The following ADAMTS17 variants were observed in gnomAD, a reference collection of about 807,000 sequenced individuals.
ADAMTS17 encodes ADAM metallopeptidase with thrombospondin type 1 motif 17, also known as A disintegrin and metalloproteinase with thrombospondin motifs 17.
ADAMTS17 carries 113 observed loss-of-function variants against 141.5 expected under a neutral mutation model. The ratio of observed to expected loss-of-function variants is 0.80; its 90% confidence interval spans 0.69 to 0.93. The LOEUF (loss-of-function observed/expected upper bound fraction) is 0.93, where lower values mean the gene tolerates loss of function less well. Ranked by LOEUF, ADAMTS17 falls within the 40% of genes least tolerant of loss-of-function variation. The pLI, the probability that ADAMTS17 is intolerant of heterozygous loss-of-function variation, is 0.00. For synonymous variants in ADAMTS17, 768 were observed against 630.6 expected (o/e 1.22, Z -3.27); for missense variants, 1,659 against 1,517.9 (o/e 1.09, Z -1.54).
At chr15:100,152,852 C>T in intron 9 of ADAMTS17, 90 bp from the exon 10 acceptor site, 1 of 1,510,642 alleles carries the variant, frequency 6.6e-7, no homozygotes, top group Non-Finnish European at 8.9e-7. Context: ...TTTTCAGTCA[C>T]TGAGAAGAGG....
chr15:100,137,589 A>G (rs949252230), intron 10 of ADAMTS17, among the ~76,000 whole-genome samples: 1 of 152,230 alleles, frequency 6.6e-6, no homozygotes, highest in African/African-American at 2.4e-5. Flanking sequence ...TGTGGCAGAC[A>G]GGGCTGCTCT....
chr15:100,301,897 C>T (rs1045300897), intron 3 of ADAMTS17, among the ~76,000 whole-genome samples: 2 of 152,160 alleles, frequency 1.3e-5, no homozygotes, highest in Admixed American at 6.5e-5. Context: ...TTTACATCTT[C>T]CCTTAATTTT....
chr15:100,276,602 T>C (rs1280305259), intron 4 of ADAMTS17, among the ~76,000 whole-genome samples: 2 of 151,904 alleles, frequency 1.3e-5, no homozygotes, highest in African/African-American at 4.8e-5. Context: ...GGAATGAAGG[T>C]GGCAACCAAC....
intron 7 of ADAMTS17, among the ~76,000 whole-genome samples, chr15:100,233,652 G>A (rs1241748065): frequency 6.6e-6 from 1 of 152,172 alleles, no homozygotes; most frequent in Non-Finnish European, 1.5e-5. Flanking sequence ...AGAGAAACAC[G>A]CAATGTCCAG....
chr15:100,319,012 G>A (rs775737231), intron 3 of ADAMTS17, among the ~76,000 whole-genome samples: 24 of 152,378 alleles, frequency 1.6e-4, no homozygotes, highest in South Asian at 6.2e-4. Context: ...CTGTGCTTCC[G>A]ATGGCCTAAG....
chr15:100,281,881 C>T (rs573579847), intron 3 of ADAMTS17, among the ~76,000 whole-genome samples: 42 of 152,160 alleles, frequency 2.8e-4, no homozygotes, highest in African/African-American at 9.9e-4. Flanking sequence ...GAATCAGGAG[C>T]CATAAATGTT....
intron 6 of ADAMTS17, among the ~76,000 whole-genome samples, chr15:100,258,331 T>A (rs2043396631): frequency 6.6e-6 from 1 of 152,200 alleles, no homozygotes; most frequent in Non-Finnish European, 1.5e-5. Flanking sequence ...TACATTCCCA[T>A]CGATGGTGCA....
At chr15:100,198,266 TA>T (rs2041195693) in intron 8 of ADAMTS17, among the ~76,000 whole-genome samples, 2 of 152,130 alleles carry the variant, frequency 1.3e-5, no homozygotes. Flanking sequence ...TAATAGAATA[TA>T]AACTCATTAA....
chr15:100,275,843 T>A (rs574639831), intron 4 of ADAMTS17, among the ~76,000 whole-genome samples: 2 of 150,646 alleles, frequency 1.3e-5, no homozygotes, highest in East Asian at 4.1e-4. Flanking sequence ...GAGCAAACGC[T>A]TGATGCCAAA....
intron 18 of ADAMTS17, among the ~76,000 whole-genome samples, chr15:100,024,086 G>T (rs1048187979): frequency 1.3e-4 from 19 of 145,934 alleles, no homozygotes; most frequent in African/African-American, 5.3e-4. Context: ...TTTTCTAAAG[G>T]TTGATTTTTT....
At chr15:100,124,347 G>T (rs973155608) in intron 12 of ADAMTS17, among the ~76,000 whole-genome samples, 3 of 152,234 alleles carry the variant, frequency 2.0e-5, no homozygotes, top group African/African-American at 7.2e-5. Context: ...CACAAGAAAA[G>T]GATATCCAAA....
chr15:100,179,230 T>G (rs188413664), intron 8 of ADAMTS17, among the ~76,000 whole-genome samples: 1 of 152,222 alleles, frequency 6.6e-6, no homozygotes, highest in Admixed American at 6.5e-5. Context: ...CAGCCTCCTA[T>G]TACCCGTCTT....
intron 3 of ADAMTS17, among the ~76,000 whole-genome samples, chr15:100,316,417 A>C (rs569652078): frequency 1.7e-4 from 26 of 152,342 alleles, no homozygotes; most frequent in Middle Eastern, 3.4e-3. Context: ...TCCGTGGGTC[A>C]CGTCTGGGGA....
intron 10 of ADAMTS17, among the ~76,000 whole-genome samples, chr15:100,142,662 A>AACAGAGGC (rs2038714144): frequency 6.6e-6 from 1 of 152,194 alleles, no homozygotes; most frequent in Non-Finnish European, 1.5e-5. Flanking sequence ...CCTGTTCAAG[A>AACAGAGGC]ACAGAGGCAG....
At chr15:100,314,264 A>C (rs527452005) in intron 3 of ADAMTS17, among the ~76,000 whole-genome samples, 1 of 152,384 alleles carries the variant, frequency 6.6e-6, no homozygotes, top group African/African-American at 2.4e-5. Context: ...CTGTACCAAG[A>C]AAAGAAAGCT....
At chr15:100,109,584 C>G (rs952117662) in intron 13 of ADAMTS17, among the ~76,000 whole-genome samples, 1 of 152,132 alleles carries the variant, frequency 6.6e-6, no homozygotes, top group African/African-American at 2.4e-5. Flanking sequence ...CAGTGCTCCC[C>G]TAGCTGCTGG....
At chr15:100,137,825 T>TCCACCCTTTCACTGCCAACACCAACAC (rs1567236486) in intron 10 of ADAMTS17, among the ~76,000 whole-genome samples, 1 of 151,114 alleles carries the variant, frequency 6.6e-6, no homozygotes, top group Non-Finnish European at 1.5e-5. Context: ...ACTACCAACA[T>TCCACCCTTTCACTGCCAACACCAACAC]CCACCCTTTC....
intron 18 of ADAMTS17, among the ~76,000 whole-genome samples, chr15:100,036,888 T>C (rs920066229): frequency 5.3e-5 from 8 of 152,228 alleles, no homozygotes; most frequent in Non-Finnish European, 1.2e-4. Flanking sequence ...AGGGTTTCTC[T>C]GTGCCAGAAC....
chr15:100,206,193 T>C (rs766912616), intron 7 of ADAMTS17, among the ~76,000 whole-genome samples: 54 of 152,292 alleles, frequency 3.5e-4, no homozygotes, highest in Admixed American at 2.1e-3. Context: ...CTGCATGTAC[T>C]CCCTGGCTAC....
Sources: allele counts gnomAD v4.1 joint callset (sites outside exome capture counted in the v4.1 genomes callset), GRCh38; gene constraint gnomAD v4.1.1; transcripts MANE v1.5; gene names NCBI Gene and HGNC (gene_info 2026-07-23, HGNC 2026-07-21).